FAM118B: variants seen among roughly 807,000 people sequenced by gnomAD.
The protein encoded by FAM118B is SIR2 antiphage like 1.
In FAM118B, 24 loss-of-function variants were observed where a neutral mutation model predicts 38.5. The observed-to-expected ratio is 0.62, with a 90% CI of 0.45 to 0.88. The LOEUF (loss-of-function observed/expected upper bound fraction) is 0.88, where lower values mean the gene tolerates loss of function less well. Among genes scored for constraint, FAM118B ranks in the 40% least tolerant of loss-of-function variants. The pLI, the probability that FAM118B is intolerant of heterozygous loss-of-function variation, is 0.00. For synonymous variants in FAM118B, 138 were observed against 156.3 expected, an observed-to-expected ratio of 0.88 and a Z score of 0.87; for missense variants, 334 against 420.0, an observed-to-expected ratio of 0.80 and a Z score of 1.79.
chr11:126,225,343 T>C (rs770911297), intron 1 of FAM118B, among the ~76,000 whole-genome samples: 5 of 152,254 alleles, frequency 3.3e-5, no homozygotes, highest in Non-Finnish European at 5.9e-5. Flanking sequence ...CACACTACTT[T>C]CAAAAGGTCA....
rs539829602 is a variant in FAM118B at position 126,236,069 on chromosome 11, A to T, written c.86+982A>T. 2.6e-5 allele frequency among the ~76,000 whole-genome samples: 4 copies of T among 152,310 alleles called. No individual in the cohort carries two copies. In the South Asian group the frequency reaches 8.3e-4, roughly 32 times the overall value. ...TTGTGTCATGGATTCTTCCTTCTGG[A>T]TGCTAGTCCACTCTGGACACTTGTT... On this transcript the variant is annotated intron_variant, in intron 3 of 8. Coordinates refer to ENST00000533050, the MANE Select transcript of FAM118B (RefSeq NM_024556.4).
intron 2 of FAM118B, among the ~76,000 whole-genome samples, chr11:126,229,692 C>T (rs551531038): frequency 1.6e-4 from 24 of 152,296 alleles, no homozygotes; most frequent in South Asian, 8.3e-4. Flanking sequence ...CCACCCACCT[C>T]GGTCTCCCAT....
At chr11:126,247,349 A>G (rs1950430991) in intron 4 of FAM118B, among the ~76,000 whole-genome samples, 1 of 152,336 alleles carries the variant, frequency 6.6e-6, no homozygotes, top group South Asian at 2.1e-4. Context: ...TTGCAGAATC[A>G]TATTTCCTTC....
intron 7 of FAM118B, among the ~76,000 whole-genome samples, chr11:126,257,470 T>C (rs1023969461): frequency 6.6e-6 from 1 of 152,050 alleles, no homozygotes; most frequent in Admixed American, 6.6e-5. Flanking sequence ...ATTTATTTAA[T>C]TGATGAAATA....
At chr11:126,234,619 A>G (rs1008275852) in intron 2 of FAM118B, among the ~76,000 whole-genome samples, 10 of 152,176 alleles carry the variant, frequency 6.6e-5, no homozygotes, top group Non-Finnish European at 8.8e-5. Flanking sequence ...GGTGGTTTTT[A>G]TCCCCTGAGT....
intron 1 of FAM118B, 134 bp downstream of exon 1, chr11:126,211,964 C>A (rs894358065): frequency 3.3e-6 from 1 of 300,448 alleles, no homozygotes; most frequent in Non-Finnish European, 6.3e-6. Flanking sequence ...GGTACACGAT[C>A]CCACTCAAAA....
chr11:126,214,753 T>C (rs1949957442), intron 1 of FAM118B, among the ~76,000 whole-genome samples: 1 of 152,156 alleles, frequency 6.6e-6, no homozygotes, highest in East Asian at 1.9e-4. Context: ...TATCATAATA[T>C]GTGCCCCTAA....
intron 1 of FAM118B, among the ~76,000 whole-genome samples, chr11:126,227,342 G>C (rs1021691500): frequency 6.6e-6 from 1 of 151,976 alleles, no homozygotes; most frequent in Non-Finnish European, 1.5e-5. Flanking sequence ...GATTACAGGC[G>C]TGAGCCACCG....
At chr11:126,242,115 C>T (rs979799610) in intron 4 of FAM118B, among the ~76,000 whole-genome samples, 1 of 151,110 alleles carries the variant, frequency 6.6e-6, no homozygotes, top group Non-Finnish European at 1.5e-5. Flanking sequence ...GGATCAAAGA[C>T]CTAAATATGA....
At chr11:126,227,035 A>G (rs1950152149) in intron 1 of FAM118B, among the ~76,000 whole-genome samples, 1 of 149,576 alleles carries the variant, frequency 6.7e-6, no homozygotes, top group Non-Finnish European at 1.5e-5. Context: ...GAGAAATTGA[A>G]TGCTCTCAAA....
In FAM118B at chr11:126,244,921, ATAT is replaced by A. The variant is rs1284431351; in HGVS notation, c.339+3883_339+3885del. On this transcript the variant is annotated intron_variant, in intron 4 of 8. Coordinates refer to ENST00000533050, the MANE Select transcript of FAM118B (RefSeq NM_024556.4). The surrounding 1 kb of genome is among the most constrained non-coding windows in gnomAD (Gnocchi z 4.5). ...CCATGTTCCTGAATCAGAAGACTTAATATTATTAAGATGGAATACTCTGCAAAT... is the reference window on the plus strand; with the variant it reads ...CCATGTTCCTGAATCAGAAGACTTAATATTAAGATGGAATACTCTGCAAAT... The A allele has an allele frequency of 6.6e-6, 1 of 152,252 alleles. No homozygotes were observed. The highest frequency in any genetic ancestry group is 2.4e-5 in the African/African-American group (1 of 41,460). 9.4% of individuals were successfully genotyped at this position (152,252 alleles called of 1,614,324 possible).
chr11:126,242,003 C>T (rs1203757454), intron 4 of FAM118B, among the ~76,000 whole-genome samples: 14 of 123,318 alleles, frequency 1.1e-4, no homozygotes, highest in South Asian at 5.2e-4. Context: ...CCAGCCTGGG[C>T]GACAGAGGAA....
At chr11:126,216,976 A>G (rs1949987074) in intron 1 of FAM118B, among the ~76,000 whole-genome samples, 1 of 152,248 alleles carries the variant, frequency 6.6e-6, no homozygotes, top group Admixed American at 6.5e-5. Flanking sequence ...CCTGGACAGG[A>G]CGCTGTCTAT....
At chr11:126,242,244 T>C (rs1272121994) in intron 4 of FAM118B, among the ~76,000 whole-genome samples, 2 of 151,974 alleles carry the variant, frequency 1.3e-5, no homozygotes, top group Non-Finnish European at 2.9e-5. Context: ...AAAAAAAATA[T>C]AGATAAACTG....
chr11:126,212,651 C>T (rs1399011144), intron 1 of FAM118B, among the ~76,000 whole-genome samples: 1 of 152,162 alleles, frequency 6.6e-6, no homozygotes, highest in Non-Finnish European at 1.5e-5. Flanking sequence ...ATAGAAGGAA[C>T]AATTTTTTAA....
At chr11:126,261,537 A>G (rs1950699236) in intron 8 of FAM118B, 53 bp downstream of exon 8, 33 of 1,463,532 alleles carry the variant, frequency 2.3e-5, no homozygotes, top group Non-Finnish European at 3.1e-5. Flanking sequence ...AAGTCTTTCT[A>G]GGTCCTTGGT....
intron 1 of FAM118B, among the ~76,000 whole-genome samples, chr11:126,224,475 C>CAAAAAAAA (rs58005174): frequency 1.1e-5 from 1 of 93,246 alleles, no homozygotes; most frequent in Non-Finnish European, 2.1e-5. Flanking sequence ...GACCCTGTCT[C>CAAAAAAAA]AAAAAAAAAA....
chr11:126,250,153 G>A lies in FAM118B; in HGVS notation c.340-353G>A, dbSNP rs1439816945. Among the ~76,000 whole-genome samples, 5 of 149,678 alleles carry A rather than the reference G, an allele frequency of 3.3e-5. No individual in the cohort carries two copies. The highest frequency in any genetic ancestry group is 7.4e-5 in the Non-Finnish European group (5 of 67,734). ...GTCGCCCAGGCTGGAGTGCAGTGAC[G>A]CGATCTCGGCTCACTGCAAGCTCCG... On this transcript the variant is annotated intron_variant, in intron 4 of 8. Transcript: ENST00000533050. This position sits in a 1 kb window ranked among gnomAD's most constrained non-coding sequence, Gnocchi z 5.1.
intron 1 of FAM118B, among the ~76,000 whole-genome samples, chr11:126,226,521 G>A (rs1950143022): frequency 6.6e-6 from 1 of 152,246 alleles, no homozygotes; most frequent in Admixed American, 6.5e-5. Flanking sequence ...CTGTGAGTTA[G>A]AAAGGCCCTT....
Sources: allele counts gnomAD v4.1 joint callset (sites outside exome capture counted in the v4.1 genomes callset), GRCh38; gene constraint gnomAD v4.1.1; non-coding constraint Gnocchi (gnomAD v3.1); transcripts MANE v1.5; gene names NCBI Gene and HGNC (gene_info 2026-07-23, HGNC 2026-07-21).